The following PDE11A variants were observed in gnomAD, a reference collection of about 807,000 sequenced individuals.
PDE11A encodes dual 3',5'-cyclic-AMP and -GMP phosphodiesterase 11A.
In PDE11A, 100 loss-of-function variants were observed where a neutral mutation model predicts 100.5. The observed-to-expected ratio is 1.00, with a 90% CI of 0.85 to 1.18. The LOEUF is 1.18. Ranked by LOEUF, PDE11A falls within the 50% of genes most tolerant of loss-of-function variation. PDE11A has a pLI of 0.00. For synonymous variants in PDE11A, 381 were observed against 420.8 expected (o/e 0.91, Z 1.16); for missense variants, 1,141 against 1,152.6 (o/e 0.99, Z 0.15).
At chr2:177,693,241 T>C (rs1030599354) in intron 15 of PDE11A, among the ~76,000 whole-genome samples, 8 of 152,140 alleles carry the variant, frequency 5.3e-5, no homozygotes, top group Non-Finnish European at 1.2e-4. Flanking sequence ...ACACATGACT[T>C]CATGTGTGAG....
rs893170430 is a variant in PDE11A at position 177,625,119 on chromosome 2, A to G, written c.*4288T>C. Reference sequence around the variant, plus strand: ...AATTGTATTGATGACTACATCTTTCATCATAATTAGAGACAGGCTCAAGAT... The same window carrying G: ...AATTGTATTGATGACTACATCTTTCGTCATAATTAGAGACAGGCTCAAGAT... On this transcript the variant is annotated 3_prime_UTR_variant, in exon 20 of 20. Coordinates refer to ENST00000286063, the MANE Select transcript of PDE11A (RefSeq NM_016953.4). The G allele has an allele frequency of 6.6e-6, 1 of 152,660 alleles. No individual in the cohort carries two copies. The highest frequency in any genetic ancestry group is 6.5e-5 in the Admixed American group (1 of 15,280). The allele number at this position is 152,660 out of a possible 1,614,324, so 9.5% of individuals were successfully genotyped here.
chr2:178,042,346 C>T (rs1217290495), intron 1 of PDE11A, among the ~76,000 whole-genome samples: 2 of 151,880 alleles, frequency 1.3e-5, no homozygotes, highest in Non-Finnish European at 2.9e-5. Context: ...GGTGTGGTGG[C>T]ACACATTTGT....
At chr2:177,901,544 G>A (rs1032474985) in intron 3 of PDE11A, among the ~76,000 whole-genome samples, 1 of 152,158 alleles carries the variant, frequency 6.6e-6, no homozygotes, top group Non-Finnish European at 1.5e-5. Flanking sequence ...TATCTCTAAA[G>A]AAAGACTGAA....
intron 10 of PDE11A, among the ~76,000 whole-genome samples, chr2:177,732,552 T>G (rs1574088588): frequency 6.6e-6 from 1 of 152,228 alleles, no homozygotes; most frequent in East Asian, 1.9e-4. Context: ...GCCCCTGTCT[T>G]GTAGATTATT....
intron 1 of PDE11A, among the ~76,000 whole-genome samples, chr2:178,019,526 T>A (rs1202793395): frequency 6.6e-6 from 1 of 152,178 alleles, no homozygotes; most frequent in Non-Finnish European, 1.5e-5. Context: ...GACTCTTTTA[T>A]GTAAAAAAAG....
intron 5 of PDE11A, among the ~76,000 whole-genome samples, chr2:177,851,257 AC>A (rs1285275135): frequency 6.6e-6 from 1 of 152,034 alleles, no homozygotes; most frequent in Admixed American, 6.5e-5. Context: ...GAAGCTGGAA[AC>A]CATCATTCTC....
intron 9 of PDE11A, among the ~76,000 whole-genome samples, chr2:177,789,238 A>G (rs925268761): frequency 3.9e-5 from 6 of 152,144 alleles, no homozygotes; most frequent in Non-Finnish European, 5.9e-5. Flanking sequence ...CTCAATATAC[A>G]CAAATCAATA....
At chr2:177,646,159 A>G (rs1229909350) in intron 19 of PDE11A, among the ~76,000 whole-genome samples, 1 of 152,230 alleles carries the variant, frequency 6.6e-6, no homozygotes, top group Non-Finnish European at 1.5e-5. Context: ...TAAAATGTTT[A>G]CAGGGCCAGG....
intron 9 of PDE11A, among the ~76,000 whole-genome samples, chr2:177,795,345 G>A (rs2082690805): frequency 6.6e-6 from 1 of 152,182 alleles, no homozygotes; most frequent in African/African-American, 2.4e-5. Flanking sequence ...ACAACAGGTA[G>A]GTTTCTCCAG....
chr2:177,717,597 A>T (rs554327418), intron 12 of PDE11A, among the ~76,000 whole-genome samples: 1 of 152,274 alleles, frequency 6.6e-6, no homozygotes, highest in East Asian at 1.9e-4. Context: ...AGAAATAATA[A>T]GCAGTAAATA....
chr2:177,730,252 G>A (rs2081663516), intron 10 of PDE11A, among the ~76,000 whole-genome samples: 2 of 152,086 alleles, frequency 1.3e-5, no homozygotes, highest in African/African-American at 2.4e-5. Flanking sequence ...ACAGATCCCG[G>A]TGTGTGATGT....
chr2:177,723,104 A>C (rs2081553182), intron 12 of PDE11A: 1 of 152,126 alleles, frequency 6.6e-6, no homozygotes, highest in South Asian at 2.1e-4. Flanking sequence ...GAGGAGTTTC[A>C]GCTGTGCTTC....
intron 18 of PDE11A, among the ~76,000 whole-genome samples, chr2:177,665,178 A>G (rs767825675): frequency 5.3e-5 from 8 of 152,060 alleles, no homozygotes; most frequent in Non-Finnish European, 1.0e-4. Context: ...TTGATCCAAA[A>G]TGTTTCTTTA....
At chr2:178,057,609 A>G (rs1354504344) in intron 1 of PDE11A, among the ~76,000 whole-genome samples, 1 of 152,186 alleles carries the variant, frequency 6.6e-6, no homozygotes, top group Non-Finnish European at 1.5e-5. Context: ...CAACATTGCC[A>G]TTATTAACTA....
intron 3 of PDE11A, among the ~76,000 whole-genome samples, chr2:177,904,099 C>A (rs181568373): frequency 6.6e-6 from 1 of 152,052 alleles, no homozygotes; most frequent in Admixed American, 6.6e-5. Flanking sequence ...TTTTGAACAT[C>A]GTTTTGTTAA....
At chr2:177,748,456 CT>C (rs1289244811) in intron 10 of PDE11A, among the ~76,000 whole-genome samples, 1 of 152,170 alleles carries the variant, frequency 6.6e-6, no homozygotes, top group Non-Finnish European at 1.5e-5. Context: ...GAATAAAGCC[CT>C]TTTTCTATCT....
chr2:177,669,989 A>G (rs2080651980), intron 17 of PDE11A, among the ~76,000 whole-genome samples: 1 of 152,204 alleles, frequency 6.6e-6, no homozygotes, highest in African/African-American at 2.4e-5. Flanking sequence ...ATTTTGTTGC[A>G]TACTTTTATG....
chr2:177,900,923 T>G (rs959525515), intron 3 of PDE11A, among the ~76,000 whole-genome samples: 1 of 152,188 alleles, frequency 6.6e-6, no homozygotes, highest in African/African-American at 2.4e-5. Flanking sequence ...CAGCTCCATC[T>G]TGCTTCTAAT....
chr2:178,089,878 GA>G (rs1202936285), intron 2 of PDE11A, among the ~76,000 whole-genome samples: 1 of 152,176 alleles, frequency 6.6e-6, no homozygotes, highest in Non-Finnish European at 1.5e-5. Flanking sequence ...GGAATGGCCT[GA>G]AAAACCTAGG....
Sources: gnomAD v4.1 joint callset for allele counts (sites outside exome capture counted in the v4.1 genomes callset) on GRCh38, gnomAD v4.1.1 for gene constraint, MANE v1.5 for transcripts, NCBI Gene and HGNC (gene_info 2026-07-23, HGNC 2026-07-21) for gene names.